FBXL17: variants seen among roughly 807,000 people sequenced by gnomAD.
FBXL17 encodes F-box/LRR-repeat protein 17.
FBXL17 carries 22 observed loss-of-function variants against 66.2 expected under a neutral mutation model. The ratio of observed to expected loss-of-function variants is 0.33; its 90% CI spans 0.24 to 0.47. The LOEUF (loss-of-function observed/expected upper bound fraction) is 0.47, where lower values mean the gene tolerates loss of function less well. Among genes scored for constraint, FBXL17 ranks in the 20% least tolerant of loss-of-function variants. The pLI, the probability that FBXL17 is intolerant of heterozygous loss-of-function variation, is 1.00. For synonymous variants in FBXL17, 474 were observed against 400.5 expected (o/e 1.18, Z -2.19); for missense variants, 878 against 948.2 (o/e 0.93, Z 0.97).
chr5:108,351,862 A>C (rs1747679434), intron 3 of FBXL17, among the ~76,000 whole-genome samples: 1 of 152,252 alleles, frequency 6.6e-6, no homozygotes, highest in Admixed American at 6.5e-5. Flanking sequence ...GAAGTCTTAG[A>C]CATCAATGTG....
chr5:108,315,080 A>G (rs1212739602), intron 4 of FBXL17, among the ~76,000 whole-genome samples: 1 of 151,162 alleles, frequency 6.6e-6, no homozygotes, highest in Non-Finnish European at 1.5e-5. Context: ...AGAATAAATT[A>G]CCAGAGTTTA....
chr5:107,885,544 T>C (rs1335226404), intron 7 of FBXL17, among the ~76,000 whole-genome samples: 2 of 152,198 alleles, frequency 1.3e-5, no homozygotes, highest in East Asian at 3.8e-4. Context: ...CGAATAACTA[T>C]GCTATAACCA....
In FBXL17 at chr5:107,860,019, G is replaced by A. The variant is rs908874125; in HGVS notation, c.*1701C>T. On this transcript the variant is annotated 3_prime_UTR_variant, in exon 9 of 9. Transcript: ENST00000542267. ...TTAAATTAGAAACCCATTTAGTTAT[G>A]GGAAGAATACTCATGGCGCTTACTG... 2 of 152,054 alleles carry A rather than the reference G, an allele frequency of 1.3e-5. No homozygotes were observed. Among genetic ancestry groups the A allele is most frequent in the African/African-American group, 2.4e-5 (1 of 41,394 alleles). The allele number at this position is 152,054 out of a possible 1,614,324, so 9.4% of individuals were successfully genotyped here.
intron 6 of FBXL17, among the ~76,000 whole-genome samples, chr5:108,165,374 A>G (rs1189698344): frequency 6.6e-6 from 1 of 152,250 alleles, no homozygotes; most frequent in Admixed American, 6.5e-5. Flanking sequence ...TGGGATTTTA[A>G]GTAGTCTTTT....
In FBXL17 at chr5:108,294,043, C is replaced by CAAA. The variant is rs71624893; in HGVS notation, c.1506+54353_1506+54355dup. Among the ~76,000 whole-genome samples the CAAA allele has an allele frequency of 9.1e-3, 462 of 50,706 alleles. 4 individuals are homozygous for CAAA. The highest frequency in any genetic ancestry group is 0.012 in the African/African-American group (156 of 13,492). 33.3% of individuals were successfully genotyped at this position (50,706 alleles called of 152,430 possible). A position where few individuals can be genotyped will look rare whatever the true frequency, so the allele number is the denominator to read the frequency against. On this transcript the variant is annotated intron_variant, in intron 4 of 8. Coordinates refer to ENST00000542267, the MANE Select transcript of FBXL17 (RefSeq NM_001163315.3). ...GAGACAGAGCGAGACTCTTGTCTCA[C>CAAA]AAAAAAAAAAAAAAAAAAAAAAAGG...
intron 7 of FBXL17, among the ~76,000 whole-genome samples, chr5:107,907,834 T>C (rs1469951995): frequency 6.6e-6 from 1 of 152,034 alleles, no homozygotes; most frequent in African/African-American, 2.4e-5. Flanking sequence ...GGAACACTTT[T>C]ACACTGTTGG....
chr5:107,867,440 AAAGGC>A (rs1441549944), intron 8 of FBXL17, among the ~76,000 whole-genome samples: 1 of 152,204 alleles, frequency 6.6e-6, no homozygotes, highest in Non-Finnish European at 1.5e-5. Flanking sequence ...GTGTAGACTA[AAAGGC>A]ATGCTAATGA....
At chr5:107,865,542 C>T (rs1191744187) in intron 8 of FBXL17, among the ~76,000 whole-genome samples, 1 of 152,156 alleles carries the variant, frequency 6.6e-6, no homozygotes, top group East Asian at 1.9e-4. Context: ...TGTTTGTTCT[C>T]TGGCTTTCAT....
chr5:108,037,819 A>C (rs889798905), intron 6 of FBXL17, among the ~76,000 whole-genome samples: 2 of 152,160 alleles, frequency 1.3e-5, no homozygotes, highest in African/African-American at 4.8e-5. Flanking sequence ...TTATTACTTG[A>C]ATTAAATTTT....
chr5:108,332,851 C>T (rs1760188465), intron 4 of FBXL17, among the ~76,000 whole-genome samples: 1 of 150,188 alleles, frequency 6.7e-6, no homozygotes, highest in African/African-American at 2.5e-5. Context: ...TCAAGTGATC[C>T]ACCGCCTCGG....
At position 108,294,153 on chromosome 5, in the gene FBXL17, T is replaced by C. The variant is rs183907478; in HGVS notation, c.1506+54246A>G. On this transcript the variant is annotated intron_variant, in intron 4 of 8. Coordinates refer to ENST00000542267, the MANE Select transcript of FBXL17 (RefSeq NM_001163315.3). ...AAACTGATTGTCAAATCTATACTTA[T>C]TTCTAACATAAGCATTCAAAGAAAG... Among the ~76,000 whole-genome samples, 348 of 149,464 alleles carry C rather than the reference T, an allele frequency of 2.3e-3. 1 individual carries two copies. Among genetic ancestry groups the C allele is most frequent in the African/African-American group, 8.3e-3 (339 of 40,956 alleles).
At chr5:107,893,277 A>G (rs1423549073) in intron 7 of FBXL17, among the ~76,000 whole-genome samples, 6 of 152,208 alleles carry the variant, frequency 3.9e-5, no homozygotes, top group African/African-American at 1.2e-4. Context: ...GGATCTGCTC[A>G]TCTGGGAGCT....
intron 7 of FBXL17, among the ~76,000 whole-genome samples, chr5:107,932,938 T>C (rs1750779894): frequency 6.6e-6 from 1 of 152,050 alleles, no homozygotes; most frequent in African/African-American, 2.4e-5. Flanking sequence ...GGATATAAGG[T>C]CATGGTTATT....
Position 108,331,757 on chromosome 5 carries a change from AAC to A in FBXL17, c.1506+16640_1506+16641del, listed in dbSNP as rs572382507. ...TCCTGACCAACTACACCCGTCACCT[AAC>A]AGAGTAACTCTTCTAACCCGTATAT... On this transcript the variant is annotated intron_variant, in intron 4 of 8. Transcript: ENST00000542267. Among the ~76,000 whole-genome samples, 76 of 152,320 alleles carry A rather than the reference AAC, an allele frequency of 5.0e-4. 2 individuals carry two copies. The East Asian group carries it at 0.013, about 26-fold the overall frequency.
intron 6 of FBXL17, among the ~76,000 whole-genome samples, chr5:108,023,043 G>A (rs1388908168): frequency 1.4e-4 from 22 of 152,124 alleles, no homozygotes; most frequent in African/African-American, 9.7e-5. Flanking sequence ...AGAGTGAGCA[G>A]TGTCTTTCAG....
At chr5:108,167,309 G>A (rs993184581) in intron 6 of FBXL17, among the ~76,000 whole-genome samples, 9 of 152,126 alleles carry the variant, frequency 5.9e-5, no homozygotes, top group Non-Finnish European at 8.8e-5. Flanking sequence ...ATAAAGCATC[G>A]ATGATTGATG....
chr5:108,128,371 G>A (rs535364573), intron 6 of FBXL17, among the ~76,000 whole-genome samples: 2 of 152,064 alleles, frequency 1.3e-5, no homozygotes, highest in Non-Finnish European at 1.5e-5. Context: ...CCTCATTTGA[G>A]GTATCATTTT....
chr5:108,186,319 T>G (rs1283698754), intron 5 of FBXL17, 72 bp from the exon 6 acceptor site: 1 of 1,326,258 alleles, frequency 7.5e-7, no homozygotes, highest in Non-Finnish European at 1.1e-6. Context: ...ACAAATGTAG[T>G]TTATTACAAG....
intron 4 of FBXL17, among the ~76,000 whole-genome samples, chr5:108,275,124 A>C (rs1464473548): frequency 6.6e-6 from 1 of 152,192 alleles, no homozygotes; most frequent in Non-Finnish European, 1.5e-5. Flanking sequence ...TCACTTAATG[A>C]CCTATAAGAT....
Sources: allele counts gnomAD v4.1 joint callset (sites outside exome capture counted in the v4.1 genomes callset), GRCh38; gene constraint gnomAD v4.1.1; transcripts MANE v1.5; gene names NCBI Gene and HGNC (gene_info 2026-07-23, HGNC 2026-07-21).